The following AMZ2 variants were observed in gnomAD, a reference collection of about 807,000 sequenced individuals.
AMZ2 encodes the protein archaelysin family metallopeptidase 2, also known as archaemetzincin-2.
A neutral mutation model predicts 36.7 loss-of-function variants in AMZ2; 26 were observed. That is an observed-to-expected ratio of 0.71 (90% confidence interval 0.52 to 0.98). The LOEUF is 0.98. AMZ2 is among the 50% of genes least tolerant of loss of function. AMZ2 has a pLI of 0.00. For missense variants in AMZ2, 394 were observed against 430.5 expected (o/e 0.92, Z 0.75); for synonymous variants, 144 against 149.1 (o/e 0.97, Z 0.25).
At position 68,250,912 on chromosome 17, in the gene AMZ2, A is replaced by G. The variant is rs2074408893; in HGVS notation, c.402A>G (p.Val134=). The change falls in exon 3 of 7, where the codon GTA becomes GTG. Residue 134 remains valine, a synonymous_variant. Transcript: ENST00000359904. The part of the protein sequence containing the change: ...VKLLEPVPVS[V]TRCSFRVNEN... ...TCCTAGAACCAGTTCCTGTTTCTGT[A>G]ACAAGATGTTCCTTTAGAGTCAATG... 6.2e-7 allele frequency: 1 copy of G among 1,610,670 alleles called. No individual in the cohort carries two copies. Among genetic ancestry groups the G allele is most frequent in the Admixed American group, 1.7e-5 (1 of 59,032 alleles).
Position 68,256,966 on chromosome 17 carries a change from A to C in AMZ2, c.1080A>C (p.Lys360Asn). ...TAAAATGCCTGGCTGTTCTCCAAAA[A>C]TGAGGACCTTCAAATAGGAGTGATT... is the stretch of plus-strand genomic sequence containing the variant. ...WIIKCLAVLQ[K>N] The change falls in exon 7 of 7, where the codon AAA becomes AAC. Residue 360 changes from lysine (K) to asparagine (N), a missense_variant. Coordinates refer to ENST00000359904, the MANE Select transcript of AMZ2 (RefSeq NM_016627.5). 6.2e-7 allele frequency: 1 copy of C among 1,613,150 alleles called. No individual in the cohort carries two copies. The highest frequency in any genetic ancestry group is 8.5e-7 in the Non-Finnish European group (1 of 1,179,756).
rs1356899085 is a variant in AMZ2 at position 68,210,627 on chromosome 17, TAACTC to T, written c.-67+4390_-67+4394del. ...GGTTGTACAACAATGTGAATATACT[TAACTC>T]TACTGAATTGTACACTTAAAAATGG... On this transcript the variant is annotated intron_variant, in intron 1 of 7. Transcript: ENST00000674770. 4.6e-5 allele frequency among the ~76,000 whole-genome samples: 7 copies of T among 152,304 alleles called. 1 individual carries two copies. Among genetic ancestry groups the T allele is most frequent in the South Asian group, 4.1e-4 (2 of 4,824 alleles).
upstream of AMZ2, chr17:68,247,201 T>A (rs1437254536): frequency 1.3e-5 from 2 of 151,716 alleles, no homozygotes; most frequent in Admixed American, 6.6e-5. Context: ...CCGGACGTGA[T>A]AGCGGGCACC....
intron 1 of AMZ2, among the ~76,000 whole-genome samples, chr17:68,237,999 T>A (rs1405025086): frequency 1.3e-5 from 2 of 152,188 alleles, no homozygotes; most frequent in African/African-American, 4.8e-5. Flanking sequence ...TCTTTCATAT[T>A]TGTCTTATTC....
upstream of AMZ2, among the ~76,000 whole-genome samples, chr17:68,244,185 G>A (rs534682567): frequency 1.7e-4 from 26 of 152,342 alleles, 1 homozygote; most frequent in African/African-American, 6.3e-4. Flanking sequence ...TATTGAAAAT[G>A]TCAGTATGGA....
chr17:68,222,776 G>GT (rs1555728896), intron 1 of AMZ2, among the ~76,000 whole-genome samples: 1 of 152,212 alleles, frequency 6.6e-6, no homozygotes, highest in African/African-American at 2.4e-5. Context: ...GGAGCTCATG[G>GT]TAATGCGAGC....
rs1209235081 is a variant in AMZ2, at chr17:68,255,104, T to C, written c.750+537T>C. ...ATTCTGCTTTTACCTGTACTATTTG[T>C]TGGGGTTTGACAGCTACACCTCTGA... is the stretch of plus-strand genomic sequence containing the variant. On this transcript the variant is annotated intron_variant, in intron 5 of 6. Coordinates refer to ENST00000359904, the MANE Select transcript of AMZ2 (RefSeq NM_016627.5). Among the ~76,000 whole-genome samples, 43 of 152,352 alleles carry C rather than the reference T, an allele frequency of 2.8e-4. 1 individual carries two copies. The highest frequency in any genetic ancestry group is 2.6e-3 in the Admixed American group (40 of 15,302).
chr17:68,252,131 C>T (rs1223648025), intron 4 of AMZ2, among the ~76,000 whole-genome samples: 28 of 152,130 alleles, frequency 1.8e-4, no homozygotes, highest in Admixed American at 1.8e-3. Flanking sequence ...AAAAGGCCCC[C>T]TAAGGGGAGT....
chr17:68,241,986 C>T lies in AMZ2; in HGVS notation c.-66-6654C>T, dbSNP rs556207665. On this transcript the variant is annotated intron_variant, in intron 1 of 7. Transcript: ENST00000674770. ...TCTCAAACTCCTGACCTAAGTGATC[C>T]GCCTGCCTCAGGCTCCCAAAGTGCT... 4.0e-5 allele frequency among the ~76,000 whole-genome samples: 6 copies of T among 151,730 alleles called. No homozygotes were observed. The South Asian group carries it at 1.0e-3, about 26-fold the overall frequency.
chr17:68,231,718 T>C (rs568507383), intron 1 of AMZ2, among the ~76,000 whole-genome samples: 4 of 152,116 alleles, frequency 2.6e-5, no homozygotes, highest in African/African-American at 9.6e-5. Context: ...TTCTTGAAAC[T>C]GTGGATAGGT....
chr17:68,209,600 GTGTGTATA>G (rs1241660004), intron 1 of AMZ2, among the ~76,000 whole-genome samples: 200 of 121,146 alleles, frequency 1.7e-3, no homozygotes, highest in African/African-American at 2.2e-3. Flanking sequence ...GTGTGTGTGT[GTGTGTATA>G]TGTATATATA....
At chr17:68,232,750 C>T (rs1485117477) in intron 1 of AMZ2, among the ~76,000 whole-genome samples, 3 of 151,386 alleles carry the variant, frequency 2.0e-5, no homozygotes, top group African/African-American at 7.3e-5. Context: ...GGCTGAGGCA[C>T]GATAAATTGT....
intron 1 of AMZ2, among the ~76,000 whole-genome samples, chr17:68,213,724 A>G (rs1209409974): frequency 1.3e-5 from 2 of 151,830 alleles, no homozygotes; most frequent in African/African-American, 4.8e-5. Flanking sequence ...TCCCTCTTGT[A>G]TTTATCTTGA....
Position 68,223,898 on chromosome 17 carries a change from A to ATTTTT in AMZ2, c.-67+17665_-67+17669dup, listed in dbSNP as rs1555729196. ...ACCCAGCTAATTTATATATATATAT[A>ATTTTT]TTTTTTTTTGAAACGGAGTCTCGCT... On this transcript the variant is annotated intron_variant, in intron 1 of 7. Transcript: ENST00000674770. Among the ~76,000 whole-genome samples the ATTTTT allele has an allele frequency of 1.3e-3, 141 of 111,696 alleles. 1 individual carries two copies. Among genetic ancestry groups the ATTTTT allele is most frequent in the African/African-American group, 4.1e-3 (133 of 32,768 alleles). 73.3% of individuals were successfully genotyped at this position (111,696 alleles called of 152,430 possible). A position where few individuals can be genotyped will look rare whatever the true frequency, so the allele number is the denominator to read the frequency against.
At chr17:68,221,626 C>G (rs2073369451) in intron 1 of AMZ2, among the ~76,000 whole-genome samples, 1 of 151,950 alleles carries the variant, frequency 6.6e-6, no homozygotes, top group South Asian at 2.1e-4. Context: ...ACTCCGGAGG[C>G]TGAGGTGAAC....
intron 4 of AMZ2, 53 bp downstream of exon 4, chr17:68,251,231 G>A (rs1303673625): frequency 1.3e-6 from 2 of 1,561,490 alleles, no homozygotes; most frequent in Non-Finnish European, 1.7e-6. Flanking sequence ...GAGAATATTT[G>A]AAGATGTTAG....
intron 1 of AMZ2, among the ~76,000 whole-genome samples, chr17:68,214,087 C>T (rs1403075667): frequency 2.2e-5 from 3 of 137,308 alleles, no homozygotes; most frequent in Admixed American, 7.1e-5. Context: ...GTTGCTGCTT[C>T]CTATTCTTTT....
rs2073000252 is a variant in AMZ2, at chr17:68,210,178, TCATA to T, written c.-67+3945_-67+3948del. On this transcript the variant is annotated intron_variant, in intron 1 of 7. Transcript: ENST00000674770. ...CTACTATATGACCCGGTAATTCTAT[TCATA>T]CATATATAGTCAAAAAAGAATTGCA... is the stretch of plus-strand genomic sequence containing the variant. Among the ~76,000 whole-genome samples the T allele has an allele frequency of 2.0e-5, 3 of 152,296 alleles. No individual in the cohort carries two copies. The South Asian group carries it at 6.2e-4, about 32-fold the overall frequency.
chr17:68,250,451 C>T lies in AMZ2; in HGVS notation c.264C>T (p.Ser88=), dbSNP rs1555738827. ...AGACACCCTCTCCAAACAAACGCAG[C>T]ATTTATATACAGTCCATTGGTAAAT... ...YRKTPSPNKR[S]IYIQSIGSLG... The change falls in exon 2 of 7, where the codon AGC becomes AGT. Residue 88 remains serine (S), a synonymous_variant. Coordinates refer to ENST00000359904, the MANE Select transcript of AMZ2 (RefSeq NM_016627.5). The T allele has an allele frequency of 6.2e-7, 1 of 1,614,028 alleles. No individual in the cohort carries two copies. The highest frequency in any genetic ancestry group is 1.7e-5 in the Admixed American group (1 of 60,016).
Sources: allele counts gnomAD v4.1 joint callset (sites outside exome capture counted in the v4.1 genomes callset), GRCh38; gene constraint gnomAD v4.1.1; transcripts MANE v1.5; gene names NCBI Gene and HGNC (gene_info 2026-07-23, HGNC 2026-07-21).